Variants in RNF130 observed in about 807,000 individuals in gnomAD.
RNF130 encodes the protein ring finger protein 130, also known as E3 ubiquitin-protein ligase RNF130.
A neutral mutation model predicts 44.6 loss-of-function variants in RNF130; 21 were observed. That is an observed-to-expected ratio of 0.47 (90% CI 0.33 to 0.68). The LOEUF (loss-of-function observed/expected upper bound fraction) is 0.68. Ranked by LOEUF, RNF130 falls within the 30% of genes least tolerant of loss-of-function variation. RNF130 has a pLI of 0.02. For missense variants in RNF130, 479 were observed against 560.6 expected, an observed-to-expected ratio of 0.85 and a Z score of 1.47; for synonymous variants, 214 against 210.4, an observed-to-expected ratio of 1.02 and a Z score of -0.15.
At chr5:179,934,767 T>C (rs1761865226) in intron 7 of RNF130, among the ~76,000 whole-genome samples, 3 of 152,118 alleles carry the variant, frequency 2.0e-5, no homozygotes, top group Admixed American at 2.0e-4. Context: ...GGTCTCAAAC[T>C]CCTGGCTTAA....
At chr5:180,037,263 G>C (rs1340632924) in intron 2 of RNF130, among the ~76,000 whole-genome samples, 1 of 152,218 alleles carries the variant, frequency 6.6e-6, no homozygotes, top group Non-Finnish European at 1.5e-5. Flanking sequence ...GTGGAAAGAA[G>C]GACAGAGAGA....
Position 180,071,712 on chromosome 5 carries a change from G to A in RNF130, c.-10C>T, listed in dbSNP as rs924996696. On this transcript the variant is annotated 5_prime_UTR_variant, in exon 1 of 9. Coordinates refer to ENST00000521389, the MANE Select transcript of RNF130 (RefSeq NM_018434.6). ...GCCCCGCGCAGCTCATCGTCCCTCC[G>A]GCAGCCGCCGCTGCTCGCGGACCGG... The A allele has an allele frequency of 9.5e-6, 12 of 1,264,484 alleles. No individual in the cohort carries two copies. Among genetic ancestry groups the A allele is most frequent in the African/African-American group, 6.3e-5 (4 of 63,742 alleles). The allele number at this position is 1,264,484 out of a possible 1,614,324, so 78.3% of individuals were successfully genotyped here. A position where few individuals can be genotyped will look rare whatever the true frequency, so the allele number is the denominator to read the frequency against.
intron 1 of RNF130, among the ~76,000 whole-genome samples, chr5:180,066,740 G>A (rs1765116118): frequency 6.6e-6 from 1 of 152,160 alleles, no homozygotes; most frequent in African/African-American, 2.4e-5. Flanking sequence ...GGGAGGCTGA[G>A]GCAGGAAGGC....
intron 3 of RNF130, among the ~76,000 whole-genome samples, chr5:179,988,586 T>A (rs568819654): frequency 1.5e-4 from 23 of 151,378 alleles, no homozygotes; most frequent in African/African-American, 5.3e-4. Context: ...CTTGTAGGTT[T>A]TGGTATGTTT....
chr5:180,019,051 C>T (rs1370773628), intron 2 of RNF130, among the ~76,000 whole-genome samples: 4 of 152,292 alleles, frequency 2.6e-5, no homozygotes, highest in Admixed American at 1.3e-4. Context: ...ACCTATTATA[C>T]GTAAAGCAGA....
intron 7 of RNF130, among the ~76,000 whole-genome samples, chr5:179,923,822 T>C (rs559153068): frequency 3.7e-4 from 56 of 152,366 alleles, no homozygotes; most frequent in African/African-American, 1.3e-3. Flanking sequence ...CTAAAGTTTT[T>C]CTTTTAACAA....
At chr5:179,943,648 G>C (rs1761994857) in intron 7 of RNF130, among the ~76,000 whole-genome samples, 1 of 152,176 alleles carries the variant, frequency 6.6e-6, no homozygotes, top group Non-Finnish European at 1.5e-5. Context: ...GGCTCAGAGA[G>C]ATAAAATAAC....
intron 7 of RNF130, among the ~76,000 whole-genome samples, chr5:179,936,817 T>C (rs1277965059): frequency 6.6e-6 from 1 of 152,126 alleles, no homozygotes; most frequent in Non-Finnish European, 1.5e-5. Flanking sequence ...AATAAACTCA[T>C]ACATCTATGG....
intron 7 of RNF130, among the ~76,000 whole-genome samples, chr5:179,937,702 A>G (rs144588244): frequency 1.5e-3 from 224 of 152,298 alleles, no homozygotes; most frequent in African/African-American, 5.1e-3. Context: ...TGCTAGGTAT[A>G]TAACCCAAAG....
intron 3 of RNF130, among the ~76,000 whole-genome samples, chr5:179,988,232 T>C (rs1762998959): frequency 6.6e-6 from 1 of 152,188 alleles, no homozygotes; most frequent in African/African-American, 2.4e-5. Context: ...TAGTGTATAA[T>C]TCTTCACAAA....
chr5:180,049,448 T>C, intron 1 of RNF130, among the ~76,000 whole-genome samples: 1 of 152,222 alleles, frequency 6.6e-6, no homozygotes, highest in East Asian at 1.9e-4. Flanking sequence ...ACAAACCATC[T>C]GTAACTCTGT....
chr5:179,999,113 T>C (rs1234838495), intron 3 of RNF130, among the ~76,000 whole-genome samples: 1 of 151,400 alleles, frequency 6.6e-6, no homozygotes, highest in Non-Finnish European at 1.5e-5. Flanking sequence ...GCCTCTGCCT[T>C]GCAGGTTCAA....
At chr5:180,039,671 A>C (rs1764359700) in intron 2 of RNF130, among the ~76,000 whole-genome samples, 1 of 152,244 alleles carries the variant, frequency 6.6e-6, no homozygotes, top group East Asian at 1.9e-4. Context: ...ATTATGTAAA[A>C]ATTACACGAT....
chr5:179,917,137 G>A (rs376388845), exon 8 of RNF130: 1 of 151,686 alleles, frequency 6.6e-6, no homozygotes, highest in African/African-American at 2.4e-5. Flanking sequence ...GTTGCAGTGA[G>A]CCAAGATCGC....
In RNF130 at chr5:180,018,130, A is replaced by C. The variant is rs572675872; in HGVS notation, c.443-4819T>G. Among the ~76,000 whole-genome samples, 12 of 152,164 alleles carry C rather than the reference A, an allele frequency of 7.9e-5. No homozygotes were observed. The South Asian group carries it at 1.5e-3, about 18-fold the overall frequency. ...GCCAATATGGCGAAACCCCATCTCT[A>C]CTAAAAATACAAAAATTAGCTGGGT... On this transcript the variant is annotated intron_variant, in intron 2 of 8. Coordinates refer to ENST00000521389, the MANE Select transcript of RNF130 (RefSeq NM_018434.6).
At chr5:179,937,861 A>C (rs1761914888) in intron 7 of RNF130, among the ~76,000 whole-genome samples, 1 of 151,788 alleles carries the variant, frequency 6.6e-6, no homozygotes. Context: ...ACTGTTATTC[A>C]GCCATAAAAA....
chr5:180,059,665 A>G (rs1764924375), intron 1 of RNF130, among the ~76,000 whole-genome samples: 1 of 152,230 alleles, frequency 6.6e-6, no homozygotes, highest in Non-Finnish European at 1.5e-5. Flanking sequence ...CAGAGCACTG[A>G]TACGAAACAA....
intron 3 of RNF130, among the ~76,000 whole-genome samples, chr5:179,994,216 A>C (rs1200743639): frequency 6.6e-6 from 1 of 152,116 alleles, no homozygotes; most frequent in Non-Finnish European, 1.5e-5. Flanking sequence ...TTCCATATGA[A>C]CTTTAAAGTA....
At chr5:180,001,762 G>A (rs1763350001) in intron 3 of RNF130, among the ~76,000 whole-genome samples, 1 of 152,064 alleles carries the variant, frequency 6.6e-6, no homozygotes, top group Non-Finnish European at 1.5e-5. Flanking sequence ...GCTGTTGTGT[G>A]GACCCAGCAT....
Sources: gnomAD v4.1 joint callset for allele counts (sites outside exome capture counted in the v4.1 genomes callset) on GRCh38, gnomAD v4.1.1 for gene constraint, MANE v1.5 for transcripts, NCBI Gene and HGNC (gene_info 2026-07-23, HGNC 2026-07-21) for gene names.